PIGF: variants seen among roughly 807,000 people sequenced by gnomAD.
PIGF encodes phosphatidylinositol glycan anchor biosynthesis class F.
PIGF carries 23 observed loss-of-function variants against 26.0 expected under a neutral mutation model. That is an observed-to-expected ratio of 0.88 (90% confidence interval 0.64 to 1.25). PIGF has a LOEUF of 1.25. PIGF is among the 50% of genes most tolerant of loss of function. PIGF has a pLI of 0.00. For synonymous variants in PIGF, 93 were observed against 92.6 expected (o/e 1.00, Z -0.03); for missense variants, 278 against 249.9 (o/e 1.11, Z -0.76).
At chr2:46,583,778 C>T (rs1329241613) in intron 5 of PIGF, among the ~76,000 whole-genome samples, 1 of 152,094 alleles carries the variant, frequency 6.6e-6, no homozygotes, top group Non-Finnish European at 1.5e-5. Flanking sequence ...AAATAAACTG[C>T]TTCAAAAATA....
chr2:46,609,132 G>C (rs908230689), intron 4 of PIGF, among the ~76,000 whole-genome samples: 2 of 152,194 alleles, frequency 1.3e-5, no homozygotes, highest in African/African-American at 2.4e-5. Context: ...AACAATCTTA[G>C]CTAGATCTTC....
At chr2:46,603,431 G>T (rs1021919319) in intron 4 of PIGF, among the ~76,000 whole-genome samples, 1 of 151,946 alleles carries the variant, frequency 6.6e-6, no homozygotes, top group African/African-American at 2.4e-5. Flanking sequence ...AACAGAACTG[G>T]AAGAATCACA....
chr2:46,614,622 A>C (rs1670548524), intron 2 of PIGF: 1 of 180,954 alleles, frequency 5.5e-6, no homozygotes, highest in Admixed American at 5.6e-5. Context: ...GCAATGTCTT[A>C]TTGAGTAAGG....
chr2:46,590,871 C>T (rs1328969303), intron 5 of PIGF, among the ~76,000 whole-genome samples: 1 of 152,128 alleles, frequency 6.6e-6, no homozygotes, highest in Non-Finnish European at 1.5e-5. Context: ...AAGGGCAAAC[C>T]TATCAGACCT....
Position 46,588,372 on chromosome 2 carries a change from A to T in PIGF, c.546+4103T>A. On this transcript the variant is annotated intron_variant, in intron 5 of 5. Coordinates refer to ENST00000281382, the MANE Select transcript of PIGF (RefSeq NM_002643.4). The surrounding 1 kb of genome is among the most constrained non-coding windows in gnomAD (Gnocchi z 4.1). ...TATGAGAACTCAAATAAATCATGGA[A>T]TTTGCATTTTTTGAAGGCTAAAAAT... The T allele has an allele frequency of 1.4e-6, 1 of 719,500 alleles. No homozygotes were observed. The allele number at this position is 719,500 out of a possible 1,614,324, so 44.6% of individuals were successfully genotyped here. A position where few individuals can be genotyped will look rare whatever the true frequency, so the allele number is the denominator to read the frequency against.
At chr2:46,595,098 G>C (rs1669843002) in intron 4 of PIGF, among the ~76,000 whole-genome samples, 1 of 151,958 alleles carries the variant, frequency 6.6e-6, no homozygotes. Context: ...ATTGAGTAGA[G>C]TCAAAAATTA....
intron 4 of PIGF, among the ~76,000 whole-genome samples, chr2:46,603,777 T>G (rs1019361720): frequency 6.6e-6 from 1 of 151,974 alleles, no homozygotes; most frequent in African/African-American, 2.4e-5. Flanking sequence ...TTGGGGAAAC[T>G]TTCCAGGACA....
Position 46,613,726 on chromosome 2 carries a change from T to A in PIGF, c.288A>T (p.Val96=). Residue 96 remains valine, a synonymous_variant, in exon 3 of 6, where the codon GTA becomes GTT. Coordinates refer to ENST00000281382, the MANE Select transcript of PIGF (RefSeq NM_002643.4). ...YFLMSCFSFH[V]IFVLYGAPLI... ...GTGGTGCTCCATACAGAACAAAAAT[T>A]ACATGAAAGGAGAAACAAGACATAA... 1 of 1,561,806 alleles carries A rather than the reference T, an allele frequency of 6.4e-7. No individual in the cohort carries two copies. Among genetic ancestry groups the A allele is most frequent in the Non-Finnish European group, 8.8e-7 (1 of 1,139,594 alleles).
intron 4 of PIGF, among the ~76,000 whole-genome samples, chr2:46,592,948 C>T (rs1036445235): frequency 2.0e-5 from 3 of 152,136 alleles, no homozygotes; most frequent in Admixed American, 1.3e-4. Flanking sequence ...GGCACAAATA[C>T]ACACATAATT....
chr2:46,581,760 T>G, intron 5 of PIGF, 169 bp from the exon 6 acceptor site: 2 of 960,882 alleles, frequency 2.1e-6, no homozygotes, highest in South Asian at 3.8e-5. Context: ...AATGTACACA[T>G]TTTAGTTAAT....
intron 3 of PIGF, among the ~76,000 whole-genome samples, chr2:46,613,449 TCTCTA>T (rs1398123229): frequency 2.0e-5 from 3 of 152,130 alleles, no homozygotes; most frequent in Non-Finnish European, 4.4e-5. Flanking sequence ...TAGTATAGTT[TCTCTA>T]CTCTCCCTTC....
intron 4 of PIGF, among the ~76,000 whole-genome samples, chr2:46,592,848 C>T (rs1164288728): frequency 6.6e-6 from 1 of 152,166 alleles, no homozygotes; most frequent in Non-Finnish European, 1.5e-5. Flanking sequence ...CTAAGTCTTC[C>T]ACCCCTATCA....
intron 4 of PIGF, among the ~76,000 whole-genome samples, chr2:46,608,790 A>G (rs938943130): frequency 2.0e-5 from 3 of 152,184 alleles, no homozygotes; most frequent in Non-Finnish European, 2.9e-5. Context: ...TTTTCTGAGC[A>G]GTAGGTCTCA....
At chr2:46,582,833 C>G (rs58640619) in intron 5 of PIGF, 1 of 152,668 alleles carries the variant, frequency 6.6e-6, no homozygotes, top group East Asian at 1.9e-4. Context: ...GCATCACCTT[C>G]CCATTGAAGA....
At chr2:46,610,180 T>C (rs1406465368) in intron 4 of PIGF, among the ~76,000 whole-genome samples, 7 of 152,232 alleles carry the variant, frequency 4.6e-5, no homozygotes, top group African/African-American at 1.7e-4. Context: ...ATCTTTCCCA[T>C]AAGCTCTGTG....
intron 4 of PIGF, among the ~76,000 whole-genome samples, chr2:46,598,529 A>AGTTTTTTTTTTTTTTTT (rs1669958043): frequency 1.9e-5 from 2 of 103,528 alleles, no homozygotes; most frequent in Non-Finnish European, 3.6e-5. Context: ...ACATTATGAG[A>AGTTTTTTTTTTTTTTTT]TTTTTTTTTT....
intron 4 of PIGF, among the ~76,000 whole-genome samples, chr2:46,604,203 G>C (rs568677885): frequency 3.1e-4 from 47 of 152,078 alleles, no homozygotes; most frequent in Admixed American, 2.6e-3. Flanking sequence ...TTATCCAAAA[G>C]GCAGGCAATA....
chr2:46,589,126 A>G lies in PIGF; in HGVS notation c.546+3349T>C, dbSNP rs1236322510. Among the ~76,000 whole-genome samples the G allele has an allele frequency of 6.6e-6, 1 of 152,086 alleles. No individual in the cohort carries two copies. The stretch of plus-strand genomic sequence containing the variant: ...TTAAAGTATTAAAACAACAACAAAG[A>G]TGACCAACAGTATAATGGGTAGCTA... On this transcript the variant is annotated intron_variant, in intron 5 of 5. Coordinates refer to ENST00000281382, the MANE Select transcript of PIGF (RefSeq NM_002643.4). The surrounding 1 kb of genome is among the most constrained non-coding windows in gnomAD (Gnocchi z 4.7).
chr2:46,592,334 C>G, intron 5 of PIGF, 141 bp downstream of exon 5: 1 of 617,852 alleles, frequency 1.6e-6, no homozygotes, highest in Non-Finnish European at 2.9e-6. Context: ...AGAAGCTGCC[C>G]AGATTACAGT....
Sources: allele counts gnomAD v4.1 joint callset (sites outside exome capture counted in the v4.1 genomes callset), GRCh38; gene constraint gnomAD v4.1.1; non-coding constraint Gnocchi (gnomAD v3.1); transcripts MANE v1.5; gene names NCBI Gene and HGNC (gene_info 2026-07-23, HGNC 2026-07-21).